Variants in CNTN5 observed in about 807,000 individuals in gnomAD.
The protein encoded by CNTN5 is contactin 5, also known as contactin-5.
In CNTN5, 77 loss-of-function variants were observed where a neutral mutation model predicts 129.1. That is an observed-to-expected ratio of 0.60 (90% CI 0.50 to 0.72). The LOEUF (loss-of-function observed/expected upper bound fraction) is 0.72. Among genes scored for constraint, CNTN5 ranks in the 30% least tolerant of loss-of-function variants. The probability of loss-of-function intolerance (pLI) is 0.00; values close to 1 mark genes in which losing one functional copy is unlikely to be tolerated. For missense variants in CNTN5, 1,478 were observed against 1,328.8 expected (o/e 1.11, Z -1.75); for synonymous variants, 509 against 465.6 (o/e 1.09, Z -1.20).
intron 7 of CNTN5, among the ~76,000 whole-genome samples, chr11:99,947,342 T>C (rs892685946): frequency 8.0e-6 from 1 of 125,340 alleles, no homozygotes; most frequent in African/African-American, 2.9e-5. Context: ...GTTTTATGAT[T>C]AGGTTTTTTT....
rs193017960 is a variant in CNTN5 at position 99,891,449 on chromosome 11, T to A, written c.578-24605T>A. 3.9e-5 allele frequency among the ~76,000 whole-genome samples: 6 copies of A among 152,068 alleles called. No homozygotes were observed. In the East Asian group the frequency reaches 1.2e-3, roughly 29 times the overall value. Reference sequence around the variant, plus strand: ...GCACCCATCAACCCATCATCTACATTAGGTATTTCTCCTAATGCTATGCCT... The same window carrying A: ...GCACCCATCAACCCATCATCTACATAAGGTATTTCTCCTAATGCTATGCCT... On this transcript the variant is annotated intron_variant, in intron 6 of 24. Coordinates refer to ENST00000524871, the MANE Select transcript of CNTN5 (RefSeq NM_014361.4).
intron 1 of CNTN5, among the ~76,000 whole-genome samples, chr11:99,271,996 A>T (rs574707179): frequency 8.0e-4 from 122 of 152,082 alleles, no homozygotes; most frequent in Middle Eastern, 3.4e-3. Context: ...TAGGTGTTAT[A>T]TTTTAAAACT....
chr11:99,869,643 A>G (rs1851489976), intron 6 of CNTN5, among the ~76,000 whole-genome samples: 1 of 152,162 alleles, frequency 6.6e-6, no homozygotes, highest in African/African-American at 2.4e-5. Flanking sequence ...TACACACCAA[A>G]AAACACAGTC....
At chr11:99,196,251 A>G (rs183293256) in intron 1 of CNTN5, among the ~76,000 whole-genome samples, 1 of 151,858 alleles carries the variant, frequency 6.6e-6, no homozygotes, top group South Asian at 2.1e-4. Flanking sequence ...TGAACCTTAT[A>G]TTTGCCACAT....
chr11:100,126,871 G>A (rs1657002147), intron 13 of CNTN5, among the ~76,000 whole-genome samples: 1 of 151,944 alleles, frequency 6.6e-6, no homozygotes, highest in Non-Finnish European at 1.5e-5. Context: ...TTGCTTTATA[G>A]GTCCTGTGGG....
At chr11:100,097,320 C>T (rs1470634597) in intron 13 of CNTN5, among the ~76,000 whole-genome samples, 1 of 152,014 alleles carries the variant, frequency 6.6e-6, no homozygotes, top group East Asian at 1.9e-4. Context: ...ATTCATGAAC[C>T]TGCCTCTCCT....
At chr11:99,304,445 T>C (rs1864783467) in intron 1 of CNTN5, among the ~76,000 whole-genome samples, 1 of 152,186 alleles carries the variant, frequency 6.6e-6, no homozygotes, top group African/African-American at 2.4e-5. Context: ...ACAAAGAAGT[T>C]GACATTTCTT....
chr11:99,432,569 A>T (rs1591047490), intron 2 of CNTN5, among the ~76,000 whole-genome samples: 2 of 150,334 alleles, frequency 1.3e-5, no homozygotes, highest in African/African-American at 4.9e-5. Context: ...AGAACATGTC[A>T]GGAAGTGTTT....
At chr11:100,351,832 G>A (rs1009446046) in intron 24 of CNTN5, among the ~76,000 whole-genome samples, 1 of 151,390 alleles carries the variant, frequency 6.6e-6, no homozygotes, top group Non-Finnish European at 1.5e-5. Context: ...GAAGTGTCCC[G>A]TCATGCTCTG....
chr11:99,054,707 G>T (rs1864561924), intron 1 of CNTN5, among the ~76,000 whole-genome samples: 1 of 151,676 alleles, frequency 6.6e-6, no homozygotes, highest in South Asian at 2.1e-4. Flanking sequence ...AAATCCAATG[G>T]AAGACTTACC....
chr11:100,236,066 G>A (rs2138664944), intron 16 of CNTN5, among the ~76,000 whole-genome samples: 1 of 152,284 alleles, frequency 6.6e-6, no homozygotes, highest in Middle Eastern at 3.4e-3. Flanking sequence ...CAGGCACAAT[G>A]CCAAAAACCT....
intron 3 of CNTN5, among the ~76,000 whole-genome samples, chr11:99,648,158 G>C (rs1451081464): frequency 6.6e-6 from 1 of 151,876 alleles, no homozygotes; most frequent in Non-Finnish European, 1.5e-5. Context: ...AGTAAATGCT[G>C]TTTCTGCATC....
intron 3 of CNTN5, among the ~76,000 whole-genome samples, chr11:99,774,606 G>C (rs2119581): frequency 0.16 from 24,407 of 151,942 alleles, 2,095 homozygotes; most frequent in Non-Finnish European, 0.18. Flanking sequence ...CCAAGGGCCT[G>C]AGGTCCTTCA....
intron 15 of CNTN5, among the ~76,000 whole-genome samples, chr11:100,198,361 C>T (rs1259300047): frequency 1.3e-5 from 2 of 151,688 alleles, no homozygotes; most frequent in Non-Finnish European, 1.5e-5. Flanking sequence ...AATTGAACAC[C>T]TATGTGCCAA....
In CNTN5 at chr11:99,222,122, A is replaced by C. The variant is rs1490988902; in HGVS notation, c.-209-103224A>C. 2.6e-5 allele frequency among the ~76,000 whole-genome samples: 4 copies of C among 151,972 alleles called. No homozygotes were observed. In the East Asian group the frequency reaches 7.7e-4, roughly 29 times the overall value. On this transcript the variant is annotated intron_variant, in intron 1 of 24. Coordinates refer to ENST00000524871, the MANE Select transcript of CNTN5 (RefSeq NM_014361.4). ...TAGACTAAAGCAACAAAAAATACCTATTGCTTGGTTTTTTATGTTGCTTGC... is the reference window on the plus strand; with the variant it reads ...TAGACTAAAGCAACAAAAAATACCTCTTGCTTGGTTTTTTATGTTGCTTGC...
intron 13 of CNTN5, among the ~76,000 whole-genome samples, chr11:100,176,829 A>G (rs1446288767): frequency 6.8e-6 from 1 of 146,400 alleles, no homozygotes; most frequent in South Asian, 2.3e-4. Context: ...TATTTAATAT[A>G]TGAGTATATT....
At position 100,281,979 on chromosome 11, in the gene CNTN5, T is replaced by C. The variant is rs1467799250; in HGVS notation, c.2314+10738T>C. ...TAAATTTGTCTGATAGAATTCTGAATTCTTTCTTGGCATTCTATTTTTTTT... is the reference window on the plus strand; with the variant it reads ...TAAATTTGTCTGATAGAATTCTGAACTCTTTCTTGGCATTCTATTTTTTTT... On this transcript the variant is annotated intron_variant, in intron 18 of 24. Transcript: ENST00000524871. Among the ~76,000 whole-genome samples the C allele has an allele frequency of 2.7e-5, 4 of 148,436 alleles. No individual in the cohort carries two copies. The East Asian group carries it at 8.0e-4, about 30-fold the overall frequency.
At chr11:100,077,872 T>A (rs537855703) in intron 13 of CNTN5, among the ~76,000 whole-genome samples, 4 of 151,616 alleles carry the variant, frequency 2.6e-5, no homozygotes, top group African/African-American at 9.7e-5. Flanking sequence ...AAGAAATATT[T>A]AAAAAAACAA....
At chr11:99,967,286 A>G (rs1951120155) in intron 8 of CNTN5, among the ~76,000 whole-genome samples, 1 of 152,174 alleles carries the variant, frequency 6.6e-6, no homozygotes, top group Admixed American at 6.5e-5. Flanking sequence ...AGTGCGTAGA[A>G]ACACAATCAT....
Sources: allele counts gnomAD v4.1 joint callset (sites outside exome capture counted in the v4.1 genomes callset), GRCh38; gene constraint gnomAD v4.1.1; transcripts MANE v1.5; gene names NCBI Gene and HGNC (gene_info 2026-07-23, HGNC 2026-07-21).